The following GABRA2 variants were observed in gnomAD, a reference collection of about 807,000 sequenced individuals.
The protein encoded by GABRA2 is gamma-aminobutyric acid type A receptor subunit alpha2.
A neutral mutation model predicts 48.7 loss-of-function variants in GABRA2; 16 were observed. The observed-to-expected ratio is 0.33, with a 90% CI of 0.22 to 0.50. The LOEUF (loss-of-function observed/expected upper bound fraction) is 0.50. GABRA2 is among the 20% of genes least tolerant of loss of function. GABRA2 has a pLI of 0.98. For missense variants in GABRA2, 275 were observed against 535.6 expected (o/e 0.51, Z 4.80); for synonymous variants, 185 against 184.5 (o/e 1.00, Z -0.02).
intron 4 of GABRA2, among the ~76,000 whole-genome samples, chr4:46,330,577 T>TAG (rs1214342569): frequency 2.9e-4 from 36 of 122,740 alleles, no homozygotes; most frequent in African/African-American, 4.9e-4. Context: ...TATATATATA[T>TAG]ATATATATAT....
chr4:46,376,693 A>G (rs1715747843), intron 3 of GABRA2, among the ~76,000 whole-genome samples: 1 of 151,912 alleles, frequency 6.6e-6, no homozygotes, highest in Admixed American at 6.6e-5. Context: ...TCAAGACCAG[A>G]CATAGTGAGA....
intron 9 of GABRA2, among the ~76,000 whole-genome samples, chr4:46,256,569 C>A (rs536146995): frequency 6.6e-6 from 1 of 151,550 alleles, no homozygotes; most frequent in Middle Eastern, 3.4e-3. Context: ...CTTCCCTCCC[C>A]CAAGGTGTTA....
At chr4:46,353,569 C>T (rs1024626819) in intron 3 of GABRA2, among the ~76,000 whole-genome samples, 9 of 152,160 alleles carry the variant, frequency 5.9e-5, no homozygotes, top group Admixed American at 2.6e-4. Flanking sequence ...TAATCTCACC[C>T]TCTGTGTCTT....
chr4:46,275,801 A>C (rs915055236), intron 8 of GABRA2, among the ~76,000 whole-genome samples: 3 of 152,128 alleles, frequency 2.0e-5, no homozygotes, highest in Non-Finnish European at 4.4e-5. Context: ...ATTTGTGATA[A>C]ATAGTACATC....
chr4:46,326,698 T>G (rs1466268576), intron 4 of GABRA2, among the ~76,000 whole-genome samples: 1 of 152,022 alleles, frequency 6.6e-6, no homozygotes, highest in South Asian at 2.1e-4. Context: ...CCTTGTAAGA[T>G]TTTATGTATG....
At chr4:46,335,858 T>C (rs1029669821) in intron 3 of GABRA2, among the ~76,000 whole-genome samples, 1 of 152,192 alleles carries the variant, frequency 6.6e-6, no homozygotes, top group Admixed American at 6.5e-5. Flanking sequence ...TTTGGTTAAC[T>C]GCTCCTTTGC....
intron 3 of GABRA2, among the ~76,000 whole-genome samples, chr4:46,352,723 A>G (rs1735339039): frequency 6.6e-6 from 1 of 152,084 alleles, no homozygotes; most frequent in Non-Finnish European, 1.5e-5. Context: ...ACTTGTCTCT[A>G]TATATCCAGA....
intron 1 of GABRA2, chr4:46,389,230 T>C: frequency 1.0e-6 from 1 of 986,300 alleles, no homozygotes. Flanking sequence ...TACTCTACAT[T>C]ACAGTGAACT....
intron 4 of GABRA2, among the ~76,000 whole-genome samples, chr4:46,322,596 T>A (rs1369989374): frequency 6.6e-6 from 1 of 151,988 alleles, no homozygotes; most frequent in Non-Finnish European, 1.5e-5. Flanking sequence ...CCCCTCCCTA[T>A]ATCTGGACAA....
At position 46,376,885 on chromosome 4, in the gene GABRA2, GGC is replaced by G. The variant is rs537161361; in HGVS notation, c.187+9187_187+9188del. 2.5e-3 allele frequency among the ~76,000 whole-genome samples: 380 copies of G among 152,190 alleles called. 2 individuals carry two copies. Among genetic ancestry groups the G allele is most frequent in the African/African-American group, 8.9e-3 (369 of 41,540 alleles). ...AGCCTGCCGACTGCCTGCGATTGCA[GGC>G]GCGCGCCTGACTGGTTTTCCTATTT... is the stretch of plus-strand genomic sequence containing the variant. On this transcript the variant is annotated intron_variant, in intron 3 of 9. Transcript: ENST00000381620.
intron 8 of GABRA2, 139 bp from the exon 9 acceptor site, chr4:46,262,267 T>C (rs953490860): frequency 4.9e-5 from 28 of 576,186 alleles, no homozygotes; most frequent in African/African-American, 4.8e-4. Context: ...AATGAATAAA[T>C]ACTGGAATTT....
intron 8 of GABRA2, among the ~76,000 whole-genome samples, chr4:46,286,262 G>A (rs1722524356): frequency 6.6e-6 from 1 of 151,954 alleles, no homozygotes; most frequent in Non-Finnish European, 1.5e-5. Context: ...GGTTCATCCA[G>A]GTTGTAGCAT....
At chr4:46,334,692 T>G (rs1376030651) in intron 3 of GABRA2, among the ~76,000 whole-genome samples, 1 of 152,042 alleles carries the variant, frequency 6.6e-6, no homozygotes, top group Non-Finnish European at 1.5e-5. Context: ...AGAACTGACA[T>G]GAAAAATAAG....
intron 3 of GABRA2, among the ~76,000 whole-genome samples, chr4:46,339,523 GAC>G (rs1732848620): frequency 1.3e-5 from 2 of 151,808 alleles, no homozygotes; most frequent in South Asian, 4.2e-4. Context: ...ATTTAAAGTA[GAC>G]ATAGCCTCTG....
At chr4:46,255,429 TAATTAAACAGGC>T (rs1715623211) in intron 9 of GABRA2, among the ~76,000 whole-genome samples, 2 of 151,558 alleles carry the variant, frequency 1.3e-5, no homozygotes, top group African/African-American at 4.8e-5. Context: ...GACTGGGAAA[TAATTAAACAGGC>T]TAAATTTAAA....
chr4:46,288,198 C>T (rs1722927867), intron 8 of GABRA2, among the ~76,000 whole-genome samples: 1 of 152,196 alleles, frequency 6.6e-6, no homozygotes, highest in Non-Finnish European at 1.5e-5. Context: ...AACGACCATA[C>T]TACCCAAAGC....
chr4:46,386,498 T>C (rs928997663), intron 2 of GABRA2, among the ~76,000 whole-genome samples: 1 of 152,196 alleles, frequency 6.6e-6, no homozygotes, highest in Non-Finnish European at 1.5e-5. Flanking sequence ...TATATTATGA[T>C]TGTAGATTAA....
At chr4:46,345,247 C>T (rs1733946779) in intron 3 of GABRA2, among the ~76,000 whole-genome samples, 1 of 151,876 alleles carries the variant, frequency 6.6e-6, no homozygotes, top group South Asian at 2.1e-4. Flanking sequence ...AATTAAACCC[C>T]TTTTCTTTAT....
At chr4:46,305,400 A>C (rs1726502704) in intron 7 of GABRA2, among the ~76,000 whole-genome samples, 168 bp downstream of exon 7, 1 of 144,946 alleles carries the variant, frequency 6.9e-6, no homozygotes, top group Non-Finnish European at 1.5e-5. Context: ...GTACCCTAAA[A>C]CTTAAAGTAT....
Sources: gnomAD v4.1 joint callset for allele counts (sites outside exome capture counted in the v4.1 genomes callset) on GRCh38, gnomAD v4.1.1 for gene constraint, MANE v1.5 for transcripts, NCBI Gene and HGNC (gene_info 2026-07-23, HGNC 2026-07-21) for gene names.